MATR3: variants seen among roughly 807,000 people sequenced by gnomAD.
MATR3 encodes matrin 3.
A neutral mutation model predicts 85.5 loss-of-function variants in MATR3; 4 were observed. The observed-to-expected ratio is 0.05, with a 90% CI of 0.02 to 0.11. The LOEUF (loss-of-function observed/expected upper bound fraction) is 0.11. Among genes scored for constraint, MATR3 ranks in the 10% least tolerant of loss-of-function variants. The pLI is 1.00. For missense variants in MATR3, 685 were observed against 1,016.1 expected (o/e 0.67, Z 4.43); for synonymous variants, 336 against 343.1 (o/e 0.98, Z 0.23).
chr5:139,327,553 C>T (rs13176807), intron 14 of MATR3, among the ~76,000 whole-genome samples: 17 of 152,236 alleles, frequency 1.1e-4, no homozygotes, highest in African/African-American at 4.1e-4. Context: ...TCCTGAGTAT[C>T]TGGGATTACA....
intron 3 of MATR3, chr5:139,315,059 T>A (rs1468565794): frequency 3.9e-6 from 1 of 259,528 alleles, no homozygotes; most frequent in East Asian, 8.6e-5. Context: ...TTTTTAATAA[T>A]ACATGCTCTA....
At chr5:139,328,306 C>G (rs554871751) in intron 14 of MATR3, among the ~76,000 whole-genome samples, 1 of 151,012 alleles carries the variant, frequency 6.6e-6, no homozygotes, top group East Asian at 1.9e-4. Context: ...TGTTGTTTTT[C>G]TTTAAAAGAT....
In MATR3 at chr5:139,329,433, T is replaced by A. The variant is rs1561947506; in HGVS notation, c.*38T>A. On this transcript the variant is annotated 3_prime_UTR_variant, in exon 15 of 15. Coordinates refer to ENST00000394805, the MANE Select transcript of MATR3 (RefSeq NM_018834.6). ...GATTTAATGATTTCAAAGAAAATAA[T>A]GGTTCTTTGTTTTTAATGTTAACCT... 2.6e-6 allele frequency: 4 copies of A among 1,526,632 alleles called. No homozygotes were observed. The highest frequency in any genetic ancestry group is 1.7e-5 in the Admixed American group (1 of 59,784). 94.6% of individuals were successfully genotyped at this position (1,526,632 alleles called of 1,614,324 possible). A position where few individuals can be genotyped will look rare whatever the true frequency, so the allele number is the denominator to read the frequency against.
chr5:139,289,974 T>C (rs1245438607), upstream of MATR3, among the ~76,000 whole-genome samples: 1 of 152,222 alleles, frequency 6.6e-6, no homozygotes, highest in African/African-American at 2.4e-5. Context: ...TTTGACCCTG[T>C]TGATCACTTT....
At chr5:139,321,082 A>G (rs548052886) in intron 9 of MATR3, among the ~76,000 whole-genome samples, 3 of 151,368 alleles carry the variant, frequency 2.0e-5, no homozygotes, top group Non-Finnish European at 4.4e-5. Flanking sequence ...CAGAGTGTAT[A>G]TAGATGGCTT....
chr5:139,322,150 G>C, intron 10 of MATR3, 121 bp downstream of exon 10: 1 of 1,234,808 alleles, frequency 8.1e-7, no homozygotes, highest in Non-Finnish European at 1.2e-6. Context: ...ATTGAAATAA[G>C]TTATTGAAAG....
chr5:139,296,422 A>T (rs1181686822), intron 1 of MATR3, among the ~76,000 whole-genome samples: 2 of 152,344 alleles, frequency 1.3e-5, no homozygotes, highest in East Asian at 3.9e-4. Flanking sequence ...ATGTTTGCTC[A>T]GATGTTGGCA....
chr5:139,325,601 G>A lies in MATR3; in HGVS notation c.2310G>A (p.Lys770=). The change falls in exon 13 of 15, where the codon AAG becomes AAA. Residue 770 remains lysine, a synonymous_variant. Coordinates refer to ENST00000394805, the MANE Select transcript of MATR3 (RefSeq NM_018834.6). ...CAGATGGTCAAAGTGATGAGAACAAGGACGACTATACAATCCCAGATGAGT... is the reference window on the plus strand; with the variant it reads ...CAGATGGTCAAAGTGATGAGAACAAAGACGACTATACAATCCCAGATGAGT... ...ENADGQSDEN[K]DDYTIPDEYR... 1 of 1,614,190 alleles carries A rather than the reference G, an allele frequency of 6.2e-7. No individual in the cohort carries two copies. Among genetic ancestry groups the A allele is most frequent in the Non-Finnish European group, 8.5e-7 (1 of 1,180,040 alleles).
intron 1 of MATR3, among the ~76,000 whole-genome samples, chr5:139,302,516 A>G (rs974953750): frequency 1.3e-5 from 2 of 152,352 alleles, no homozygotes; most frequent in Non-Finnish European, 2.9e-5. Context: ...AATTCTTTAT[A>G]AAACCATTAT....
rs1561933381 is a variant in MATR3, at chr5:139,307,898, T to C, written c.483T>C (p.Asp161=). 6.2e-7 allele frequency: 1 copy of C among 1,614,116 alleles called. No individual in the cohort carries two copies. The part of the protein sequence containing the change: ...EEGPTLSYGR[D]GRSATREPPY... ...GCCCTACCTTGAGTTATGGTAGAGA[T>C]GGCAGATCTGCTACACGGGAGCCAC... The change falls in exon 2 of 15, where the codon GAT becomes GAC. Residue 161 remains aspartate (D), a synonymous_variant. Transcript: ENST00000394805. The surrounding 1 kb of genome is among the most constrained non-coding windows in gnomAD (Gnocchi z 4.4).
chr5:139,329,646 C>T lies in MATR3; in HGVS notation c.*251C>T. ...GAAGTACTTTGTAGAGATTGACTTC[C>T]TAAGCTACTTAAGACAACTTGCACC... On this transcript the variant is annotated 3_prime_UTR_variant, in exon 15 of 15. Transcript: ENST00000394805. The T allele has an allele frequency of 1.9e-6, 1 of 514,798 alleles. No individual in the cohort carries two copies. Among genetic ancestry groups the T allele is most frequent in the South Asian group, 1.5e-5 (1 of 64,638 alleles). 31.9% of individuals were successfully genotyped at this position (514,798 alleles called of 1,614,324 possible).
chr5:139,297,355 T>C (rs1014608492), intron 1 of MATR3, among the ~76,000 whole-genome samples: 5 of 152,194 alleles, frequency 3.3e-5, no homozygotes, highest in African/African-American at 1.2e-4. Flanking sequence ...TTATAATTAT[T>C]AGCTATGTAG....
At chr5:139,297,737 A>G (rs1246341566) in intron 1 of MATR3, among the ~76,000 whole-genome samples, 1 of 152,226 alleles carries the variant, frequency 6.6e-6, no homozygotes, top group East Asian at 1.9e-4. Flanking sequence ...CTGTATAGAT[A>G]AAGCTCAAGG....
chr5:139,275,178 T>TTTTTTTA (rs1753226663), intron 1 of MATR3, among the ~76,000 whole-genome samples: 1 of 143,558 alleles, frequency 7.0e-6, no homozygotes, highest in Non-Finnish European at 1.5e-5. Flanking sequence ...TTTGTATTTT[T>TTTTTTTA]AGTAGAGACG....
intron 2 of MATR3, among the ~76,000 whole-genome samples, chr5:139,277,710 A>G (rs923230052): frequency 9.9e-5 from 15 of 151,292 alleles, no homozygotes; most frequent in African/African-American, 3.2e-4. Context: ...GCTATTTTAG[A>G]CCAGGGTGCC....
chr5:139,317,515 T>A (rs1035346685), intron 6 of MATR3, 81 bp from the exon 7 acceptor site: 46 of 1,353,316 alleles, frequency 3.4e-5, no homozygotes, highest in Non-Finnish European at 4.6e-5. Flanking sequence ...AATTATAGAT[T>A]ATAAAAAGTC....
At chr5:139,283,108 T>G (rs877826) in intron 3 of MATR3, 76,107 of 152,226 alleles carry the variant, frequency 0.5, 23,161 homozygotes, top group Non-Finnish European at 0.68. Flanking sequence ...CTGTAGTCCT[T>G]ACATGGCTGA....
At chr5:139,318,817 G>A (rs1458684939) in intron 7 of MATR3, 91 bp from the exon 8 acceptor site, 6 of 1,139,454 alleles carry the variant, frequency 5.3e-6, no homozygotes, top group African/African-American at 1.5e-5. Context: ...AAGATTTGGG[G>A]CATTGTTATT....
intron 7 of MATR3, among the ~76,000 whole-genome samples, chr5:139,318,623 A>G (rs1268967747): frequency 2.6e-5 from 4 of 152,080 alleles, no homozygotes; most frequent in South Asian, 2.1e-4. Context: ...TTGTATTTTT[A>G]GTAGAGACGG....
Sources: allele counts gnomAD v4.1 joint callset (sites outside exome capture counted in the v4.1 genomes callset), GRCh38; gene constraint gnomAD v4.1.1; non-coding constraint Gnocchi (gnomAD v3.1); transcripts MANE v1.5; gene names NCBI Gene and HGNC (gene_info 2026-07-23, HGNC 2026-07-21).